IGF1: variants seen among roughly 807,000 people sequenced by gnomAD.
The protein encoded by IGF1 is insulin like growth factor 1, also known as insulin-like growth factor 1.
In IGF1, 4 loss-of-function variants were observed where a neutral mutation model predicts 13.8. The ratio of observed to expected loss-of-function variants is 0.29; its 90% confidence interval spans 0.14 to 0.66. The LOEUF is 0.66. IGF1 is among the 30% of genes least tolerant of loss of function. The pLI is 0.78. For missense variants in IGF1, 124 were observed against 188.5 expected, an observed-to-expected ratio of 0.66 and a Z score of 2.00; for synonymous variants, 76 against 72.6, an observed-to-expected ratio of 1.05 and a Z score of -0.23.
intron 2 of IGF1, among the ~76,000 whole-genome samples, chr12:102,453,060 A>G (rs1224895963): frequency 6.6e-6 from 1 of 152,242 alleles, no homozygotes; most frequent in Non-Finnish European, 1.5e-5. Context: ...CTTTATCAGA[A>G]TGAAAGGAGT....
chr12:102,408,612 C>T (rs1188931322), intron 3 of IGF1, among the ~76,000 whole-genome samples: 1 of 152,142 alleles, frequency 6.6e-6, no homozygotes, highest in Non-Finnish European at 1.5e-5. Flanking sequence ...AATTCCCCCA[C>T]CCCCTGCCAG....
At chr12:102,409,843 T>C (rs1203703640) in intron 3 of IGF1, among the ~76,000 whole-genome samples, 1 of 152,280 alleles carries the variant, frequency 6.6e-6, no homozygotes, top group Non-Finnish European at 1.5e-5. Context: ...ACAGGGCAAG[T>C]ACCTAATCAA....
At chr12:102,419,736 TTTC>T (rs746136501) in intron 2 of IGF1, 46 bp from the exon 3 acceptor site, 1 of 1,593,140 alleles carries the variant, frequency 6.3e-7, no homozygotes, top group Non-Finnish European at 8.6e-7. Context: ...TGCAATCTGC[TTTC>T]TTCAGTCTTC....
chr12:102,410,583 T>C (rs1285716635), intron 3 of IGF1, among the ~76,000 whole-genome samples: 1 of 152,202 alleles, frequency 6.6e-6, no homozygotes, highest in South Asian at 2.1e-4. Context: ...TGACATACAA[T>C]TTATGCTAGA....
intron 2 of IGF1, among the ~76,000 whole-genome samples, chr12:102,450,819 G>A (rs190746291): frequency 2.6e-5 from 4 of 152,282 alleles, no homozygotes; most frequent in African/African-American, 9.6e-5. Context: ...CTTTGGGCGG[G>A]TTTTCAGAGG....
At chr12:102,477,334 T>G (rs1337378204) in intron 1 of IGF1, among the ~76,000 whole-genome samples, 1 of 150,964 alleles carries the variant, frequency 6.6e-6, no homozygotes, top group Non-Finnish European at 1.5e-5. Flanking sequence ...ATTCAGTTAA[T>G]GGTTGTAAAG....
At chr12:102,437,024 TAAG>T (rs1045775977) in intron 2 of IGF1, among the ~76,000 whole-genome samples, 61 of 152,348 alleles carry the variant, frequency 4.0e-4, no homozygotes, top group African/African-American at 1.3e-3. Flanking sequence ...TTCCTTTAAA[TAAG>T]AAGTTGGGTT....
chr12:102,464,347 G>T (rs550791340), intron 2 of IGF1, among the ~76,000 whole-genome samples: 1 of 151,544 alleles, frequency 6.6e-6, no homozygotes, highest in East Asian at 1.9e-4. Context: ...GATCCAAAAT[G>T]ATGTCAGTAG....
At chr12:102,474,861 C>T (rs190991986) in intron 2 of IGF1, among the ~76,000 whole-genome samples, 27 of 152,286 alleles carry the variant, frequency 1.8e-4, no homozygotes, top group African/African-American at 5.5e-4. Context: ...ATTATTTATA[C>T]GCCTTGACTT....
At position 102,399,487 on chromosome 12, in the gene IGF1, A is replaced by G. The variant is rs1873502519; in HGVS notation, c.*3020T>C. On this transcript the variant is annotated 3_prime_UTR_variant, in exon 4 of 4. Coordinates refer to ENST00000337514, the MANE Select transcript of IGF1 (RefSeq NM_000618.5). Reference sequence around the variant, plus strand: ...TGTGACATTTTGGTTGCTCCTTTCTATGAAATCTGAGTCATTCTGCTGTAG... The same window carrying G: ...TGTGACATTTTGGTTGCTCCTTTCTGTGAAATCTGAGTCATTCTGCTGTAG... 3 of 152,292 alleles carry G rather than the reference A, an allele frequency of 2.0e-5. No individual in the cohort carries two copies. The highest frequency in any genetic ancestry group is 4.1e-4 in the South Asian group (2 of 4,824). 9.4% of individuals were successfully genotyped at this position (152,292 alleles called of 1,614,324 possible).
chr12:102,474,428 T>C (rs1005464779), intron 2 of IGF1, among the ~76,000 whole-genome samples: 1 of 152,230 alleles, frequency 6.6e-6, no homozygotes, highest in African/African-American at 2.4e-5. Flanking sequence ...AAATCCACTG[T>C]AAGTACTGAT....
intron 2 of IGF1, among the ~76,000 whole-genome samples, chr12:102,475,240 C>G (rs1294132480): frequency 6.6e-6 from 1 of 152,006 alleles, no homozygotes; most frequent in Non-Finnish European, 1.5e-5. Context: ...CTATTTTACT[C>G]CAAATCACAT....
intron 2 of IGF1, among the ~76,000 whole-genome samples, chr12:102,456,224 G>A (rs1190273986): frequency 5.9e-5 from 1 of 17,028 alleles, no homozygotes; most frequent in Non-Finnish European, 1.3e-4. Flanking sequence ...TAAAAAAGGT[G>A]TGTGTGTGTG....
intron 2 of IGF1, among the ~76,000 whole-genome samples, chr12:102,456,268 A>C (rs1168509347): frequency 8.9e-6 from 1 of 111,976 alleles, no homozygotes; most frequent in Non-Finnish European, 1.9e-5. Context: ...GTGTGTGTGT[A>C]TTGTCTAATC....
chr12:102,472,907 A>G (rs966948505), intron 2 of IGF1, among the ~76,000 whole-genome samples: 4 of 152,194 alleles, frequency 2.6e-5, no homozygotes, highest in African/African-American at 4.8e-5. Flanking sequence ...AAGCAGTTTT[A>G]TTAAATAACT....
chr12:102,458,888 G>A (rs918588868), intron 2 of IGF1, among the ~76,000 whole-genome samples: 1 of 152,106 alleles, frequency 6.6e-6, no homozygotes, highest in African/African-American at 2.4e-5. Context: ...AAAATAGGTG[G>A]TAATAAGTCA....
At chr12:102,423,347 C>T (rs1374654734) in intron 2 of IGF1, among the ~76,000 whole-genome samples, 2 of 146,382 alleles carry the variant, frequency 1.4e-5, no homozygotes, top group East Asian at 4.2e-4. Context: ...TTCTGTTGTA[C>T]TGGCATGAGG....
chr12:102,443,480 G>T (rs1878039576), intron 2 of IGF1, among the ~76,000 whole-genome samples: 1 of 152,078 alleles, frequency 6.6e-6, no homozygotes, highest in African/African-American at 2.4e-5. Flanking sequence ...GTGGCATAGA[G>T]CTACTTTGCA....
rs530300044 is a variant in IGF1, at chr12:102,402,469, C to G, written c.*38G>C. 5 of 780,468 alleles carry G rather than the reference C, an allele frequency of 6.4e-6. No individual in the cohort carries two copies. The highest frequency in any genetic ancestry group is 1.2e-5 in the Non-Finnish European group (5 of 417,822). The allele number at this position is 780,468 out of a possible 1,614,324, so 48.3% of individuals were successfully genotyped here. On this transcript the variant is annotated 3_prime_UTR_variant, in exon 4 of 4. Coordinates refer to ENST00000337514, the MANE Select transcript of IGF1 (RefSeq NM_000618.5). Reference sequence around the variant, plus strand: ...AACTCGTGCAGAGCAAAGGATCCTGCGGTGGCATGTCACTCTTCACTCCTC... The same window carrying G: ...AACTCGTGCAGAGCAAAGGATCCTGGGGTGGCATGTCACTCTTCACTCCTC...
Sources: gnomAD v4.1 joint callset for allele counts (sites outside exome capture counted in the v4.1 genomes callset) on GRCh38, gnomAD v4.1.1 for gene constraint, MANE v1.5 for transcripts, NCBI Gene and HGNC (gene_info 2026-07-23, HGNC 2026-07-21) for gene names.